The following RAP1A variants were observed in gnomAD, a reference collection of about 807,000 sequenced individuals.
RAP1A encodes the protein ras-related protein Rap-1A.
RAP1A carries 6 observed loss-of-function variants against 26.4 expected under a neutral mutation model. The observed-to-expected ratio is 0.23, with a 90% CI of 0.12 to 0.45. The LOEUF is 0.45. RAP1A is among the 20% of genes least tolerant of loss of function. The pLI, the probability that RAP1A is intolerant of heterozygous loss-of-function variation, is 0.99. For missense variants in RAP1A, 121 were observed against 217.2 expected, an observed-to-expected ratio of 0.56 and a Z score of 2.78; for synonymous variants, 73 against 79.4, an observed-to-expected ratio of 0.92 and a Z score of 0.43.
At chr1:111,704,991 C>T (rs1414832943) in intron 6 of RAP1A, among the ~76,000 whole-genome samples, 1 of 151,966 alleles carries the variant, frequency 6.6e-6, no homozygotes, top group Non-Finnish European at 1.5e-5. Context: ...CCTGATACAG[C>T]TGATGCACAA....
rs773411784 is a variant in RAP1A at position 111,634,555 on chromosome 1, CAT to C, written c.-28+14626_-28+14627del. Among the ~76,000 whole-genome samples, 9 of 149,840 alleles carry C rather than the reference CAT, an allele frequency of 6.0e-5. 1 individual carries two copies. In the South Asian group the frequency reaches 1.7e-3, roughly 28 times the overall value. ...ATATATTATATGTATTATTATATGT[CAT>C]ATATTTTATTTCCCTTGTTAAGCCT... is the stretch of plus-strand genomic sequence containing the variant. On this transcript the variant is annotated intron_variant, in intron 1 of 7. Coordinates refer to ENST00000369709, the MANE Select transcript of RAP1A (RefSeq NM_002884.4).
chr1:111,635,517 C>G (rs1043952753), intron 1 of RAP1A, among the ~76,000 whole-genome samples: 1 of 152,096 alleles, frequency 6.6e-6, no homozygotes. Context: ...AAAATTATTG[C>G]TGCTGTTATT....
chr1:111,655,874 T>C (rs1428952130), intron 1 of RAP1A, among the ~76,000 whole-genome samples: 1 of 151,794 alleles, frequency 6.6e-6, no homozygotes, highest in Non-Finnish European at 1.5e-5. Context: ...TTTGTATTTT[T>C]AGTAGAGACG....
At chr1:111,575,504 A>G (rs1286536043) in intron 1 of RAP1A, among the ~76,000 whole-genome samples, 1 of 152,168 alleles carries the variant, frequency 6.6e-6, no homozygotes, top group Non-Finnish European at 1.5e-5. Context: ...TAAAATGGGG[A>G]TGATAATAAT....
intron 1 of RAP1A, among the ~76,000 whole-genome samples, chr1:111,605,138 T>C (rs1480217674): frequency 6.6e-6 from 1 of 152,204 alleles, no homozygotes; most frequent in Non-Finnish European, 1.5e-5. Context: ...GACTATGCTG[T>C]GAAGTGCAGG....
At chr1:111,677,960 G>A (rs1238727016) in intron 1 of RAP1A, among the ~76,000 whole-genome samples, 1 of 152,142 alleles carries the variant, frequency 6.6e-6, no homozygotes, top group African/African-American at 2.4e-5. Flanking sequence ...GAATTAATGT[G>A]TTGCTGTGTT....
At chr1:111,691,945 T>G (rs1661682902) in intron 2 of RAP1A, among the ~76,000 whole-genome samples, 1 of 152,190 alleles carries the variant, frequency 6.6e-6, no homozygotes, top group Non-Finnish European at 1.5e-5. Context: ...CACAAAGAAC[T>G]ACTTGGTTCT....
intron 1 of RAP1A, among the ~76,000 whole-genome samples, chr1:111,624,186 T>C (rs2101093846): frequency 6.6e-6 from 1 of 152,360 alleles, no homozygotes; most frequent in Non-Finnish European, 1.5e-5. Context: ...AATTTTTTGC[T>C]TATTCTGATG....
intron 1 of RAP1A, among the ~76,000 whole-genome samples, chr1:111,679,500 T>G (rs1316595548): frequency 6.6e-6 from 1 of 151,924 alleles, no homozygotes; most frequent in African/African-American, 2.4e-5. Context: ...TAGGAGGTTT[T>G]TCTTTTCTTT....
At chr1:111,562,795 G>T (rs1462426396) in intron 1 of RAP1A, among the ~76,000 whole-genome samples, 1 of 152,186 alleles carries the variant, frequency 6.6e-6, no homozygotes, top group South Asian at 2.1e-4. Flanking sequence ...CTAAAACCAA[G>T]ATTAGCTTTG....
At chr1:111,698,181 A>G (rs72991089) in intron 4 of RAP1A, among the ~76,000 whole-genome samples, 1,561 of 152,324 alleles carry the variant, frequency 0.01, 20 homozygotes, top group African/African-American at 0.036. Context: ...TAAAATACAT[A>G]CATTAAGCAA....
At chr1:111,604,914 T>C (rs1254183988) in intron 1 of RAP1A, among the ~76,000 whole-genome samples, 1 of 152,234 alleles carries the variant, frequency 6.6e-6, no homozygotes, top group Non-Finnish European at 1.5e-5. Context: ...TCCCTGATGT[T>C]AGATTGCTTT....
At chr1:111,660,366 A>G (rs1054456743) in intron 1 of RAP1A, among the ~76,000 whole-genome samples, 1 of 152,174 alleles carries the variant, frequency 6.6e-6, no homozygotes, top group African/African-American at 2.4e-5. Flanking sequence ...GCAGTCTGAA[A>G]TATACCTAAG....
intron 1 of RAP1A, among the ~76,000 whole-genome samples, chr1:111,644,308 A>G (rs1659998411): frequency 6.6e-6 from 1 of 152,256 alleles, no homozygotes; most frequent in Admixed American, 6.5e-5. Context: ...TTAGGCCTCA[A>G]GAAGTCCCAA....
chr1:111,715,013 A>G lies in RAP1A; in HGVS notation c.*2612A>G, dbSNP rs1176873423. ...GTATCCCTGAACAGTCTACTTTTAG[A>G]AATTAACAGTAAATACACAATCCAG... is the stretch of plus-strand genomic sequence containing the variant. On this transcript the variant is annotated 3_prime_UTR_variant, in exon 8 of 8. Coordinates refer to ENST00000369709, the MANE Select transcript of RAP1A (RefSeq NM_002884.4). 1 of 152,158 alleles carries G rather than the reference A, an allele frequency of 6.6e-6. No individual in the cohort carries two copies. Among genetic ancestry groups the G allele is most frequent in the African/African-American group, 2.4e-5 (1 of 41,422 alleles). 9.4% of individuals were successfully genotyped at this position (152,158 alleles called of 1,614,324 possible). A position where few individuals can be genotyped will look rare whatever the true frequency, so the allele number is the denominator to read the frequency against.
chr1:111,706,509 G>A (rs1029881014), intron 6 of RAP1A, among the ~76,000 whole-genome samples: 13 of 151,876 alleles, frequency 8.6e-5, no homozygotes, highest in Admixed American at 5.9e-4. Flanking sequence ...ACTTTGCAAC[G>A]TTCTTAAAGT....
chr1:111,652,097 C>T (rs1424749972), intron 1 of RAP1A, among the ~76,000 whole-genome samples: 1 of 152,138 alleles, frequency 6.6e-6, no homozygotes, highest in African/African-American at 2.4e-5. Flanking sequence ...CCTCAGCCTC[C>T]TGAGTAGCTG....
At chr1:111,681,298 A>T (rs578248358) in intron 1 of RAP1A, among the ~76,000 whole-genome samples, 1 of 152,302 alleles carries the variant, frequency 6.6e-6, no homozygotes, top group South Asian at 2.1e-4. Flanking sequence ...CTTCTCCTCC[A>T]AAGGATCACA....
intron 1 of RAP1A, among the ~76,000 whole-genome samples, chr1:111,558,528 C>G (rs914755703): frequency 7.2e-5 from 11 of 152,158 alleles, no homozygotes; most frequent in African/African-American, 2.7e-4. Context: ...TCCACATTTG[C>G]TATTTATAAG....
Sources: allele counts gnomAD v4.1 joint callset (sites outside exome capture counted in the v4.1 genomes callset), GRCh38; gene constraint gnomAD v4.1.1; transcripts MANE v1.5; gene names NCBI Gene and HGNC (gene_info 2026-07-23, HGNC 2026-07-21).